Variants in KCNIP4 observed in about 807,000 individuals in gnomAD.
KCNIP4 encodes the protein Kv channel-interacting protein 4.
Under a neutral mutation model 34.0 loss-of-function variants are expected in KCNIP4, and 12 were observed. The ratio of observed to expected loss-of-function variants is 0.35; its 90% CI spans 0.23 to 0.57. KCNIP4 has a LOEUF of 0.57. Ranked by LOEUF, KCNIP4 falls within the 20% of genes least tolerant of loss-of-function variation. KCNIP4 has a pLI of 0.83. For synonymous variants in KCNIP4, 124 were observed against 102.2 expected, an observed-to-expected ratio of 1.21 and a Z score of -1.29; for missense variants, 238 against 311.7, an observed-to-expected ratio of 0.76 and a Z score of 1.78.
At chr4:20,898,407 T>C (rs1040936162) in intron 1 of KCNIP4, among the ~76,000 whole-genome samples, 1 of 152,178 alleles carries the variant, frequency 6.6e-6, no homozygotes, top group Non-Finnish European at 1.5e-5. Context: ...ACATGACTTA[T>C]TGTCCAACCT....
At chr4:20,849,001 C>A (rs899852282) in intron 3 of KCNIP4, among the ~76,000 whole-genome samples, 1 of 152,132 alleles carries the variant, frequency 6.6e-6, no homozygotes, top group African/African-American at 2.4e-5. Flanking sequence ...GTGGTCAATA[C>A]CACTGTTTCA....
At chr4:21,310,039 G>C (rs1015618702) in intron 1 of KCNIP4, among the ~76,000 whole-genome samples, 2 of 151,914 alleles carry the variant, frequency 1.3e-5, no homozygotes, top group Non-Finnish European at 2.9e-5. Context: ...GATATTTTTT[G>C]GTTTTTTTGA....
At chr4:21,671,946 A>G (rs1427297653) in intron 1 of KCNIP4, among the ~76,000 whole-genome samples, 3 of 152,206 alleles carry the variant, frequency 2.0e-5, no homozygotes, top group Admixed American at 6.5e-5. Context: ...AAGTAAATGA[A>G]CAAATGCTCC....
intron 1 of KCNIP4, among the ~76,000 whole-genome samples, chr4:21,211,644 C>A (rs2108978893): frequency 6.6e-6 from 1 of 152,180 alleles, no homozygotes; most frequent in African/African-American, 2.4e-5. Flanking sequence ...CCTATGACAT[C>A]TAAGAAAGCA....
At chr4:21,895,486 T>A (rs1270476301) in intron 1 of KCNIP4, among the ~76,000 whole-genome samples, 1 of 152,180 alleles carries the variant, frequency 6.6e-6, no homozygotes, top group Non-Finnish European at 1.5e-5. Context: ...ATTAGCTGTG[T>A]AACCACAGCA....
At chr4:20,974,945 T>C (rs1012143409) in intron 1 of KCNIP4, among the ~76,000 whole-genome samples, 2 of 152,182 alleles carry the variant, frequency 1.3e-5, no homozygotes, top group African/African-American at 4.8e-5. Flanking sequence ...TAATACCCAA[T>C]ATTTATTGAG....
At chr4:21,790,117 G>A (rs995648711) in intron 1 of KCNIP4, among the ~76,000 whole-genome samples, 24 of 152,254 alleles carry the variant, frequency 1.6e-4, no homozygotes, top group African/African-American at 5.8e-4. Context: ...GAGGAGGCTG[G>A]GAAGAAACCA....
intron 1 of KCNIP4, among the ~76,000 whole-genome samples, chr4:21,282,039 T>A (rs1459633728): frequency 6.6e-6 from 1 of 152,200 alleles, no homozygotes; most frequent in Non-Finnish European, 1.5e-5. Flanking sequence ...GGCAACAGGA[T>A]GTGATCACTA....
intron 3 of KCNIP4, among the ~76,000 whole-genome samples, chr4:20,779,576 ACCC>A (rs71653900): frequency 2.6e-4 from 21 of 80,558 alleles, no homozygotes; most frequent in South Asian, 4.2e-4. Context: ...CTGCCCCACA[ACCC>A]CCCCCCCCCA....
chr4:21,235,673 G>T (rs1004374609), intron 1 of KCNIP4, among the ~76,000 whole-genome samples: 1 of 152,098 alleles, frequency 6.6e-6, no homozygotes, highest in Non-Finnish European at 1.5e-5. Context: ...CAGCTTATTT[G>T]GTTAGTGACT....
chr4:21,320,964 T>TAAAAAAAAAAAAAAAAAAAAAAA lies in KCNIP4; in HGVS notation c.62-438256_62-438255insTTTTTTTTTTTTTTTTTTTTTTT, dbSNP rs528123961. 1.4e-3 allele frequency among the ~76,000 whole-genome samples: 148 copies of TAAAAAAAAAAAAAAAAAAAAAAA among 102,808 alleles called. 4 individuals carry two copies. The highest frequency in any genetic ancestry group is 6.4e-3 in the African/African-American group (139 of 21,716). The allele number at this position is 102,808 out of a possible 152,430, so 67.4% of individuals were successfully genotyped here. ...TGGGCAATAGAGCAAGAATCTGTCTTAAAAAAAAAAAAAAAAAAGAGGAAA... is the reference window on the plus strand; with the variant it reads ...TGGGCAATAGAGCAAGAATCTGTCTTAAAAAAAAAAAAAAAAAAAAAAAAAAAAAAAAAAAAAAAAAGAGGAAA... On this transcript the variant is annotated intron_variant, in intron 1 of 8. Transcript: ENST00000382152.
At chr4:21,262,365 G>A (rs965645326) in intron 1 of KCNIP4, among the ~76,000 whole-genome samples, 3 of 152,142 alleles carry the variant, frequency 2.0e-5, no homozygotes, top group African/African-American at 4.8e-5. Flanking sequence ...CTTTGTTGGA[G>A]GATGACCTTC....
intron 3 of KCNIP4, among the ~76,000 whole-genome samples, chr4:20,801,369 G>A (rs1199802376): frequency 1.3e-5 from 2 of 151,746 alleles, no homozygotes; most frequent in Non-Finnish European, 2.9e-5. Flanking sequence ...ACTAGTGGAA[G>A]AAAATGCATA....
chr4:21,451,066 T>A (rs1728472237), intron 1 of KCNIP4, among the ~76,000 whole-genome samples: 2 of 152,142 alleles, frequency 1.3e-5, no homozygotes, highest in African/African-American at 2.4e-5. Flanking sequence ...TAACAGGTGT[T>A]TCATACATTG....
chr4:21,789,334 T>C (rs1194171454), intron 1 of KCNIP4, among the ~76,000 whole-genome samples: 1 of 152,196 alleles, frequency 6.6e-6, no homozygotes, highest in Non-Finnish European at 1.5e-5. Context: ...GTGCAGCATT[T>C]CATCTCAGCT....
intron 1 of KCNIP4, among the ~76,000 whole-genome samples, chr4:21,200,012 A>T (rs911419472): frequency 2.6e-5 from 4 of 151,600 alleles, no homozygotes; most frequent in Admixed American, 1.3e-4. Context: ...GGACACAGGA[A>T]GGGGAACATC....
chr4:21,169,971 C>T (rs940560490), intron 1 of KCNIP4, among the ~76,000 whole-genome samples: 2 of 152,070 alleles, frequency 1.3e-5, no homozygotes, highest in African/African-American at 4.8e-5. Context: ...GAAGAACACT[C>T]CTATTTCTGT....
intron 4 of KCNIP4, 64 bp from the exon 5 acceptor site, chr4:20,749,796 A>T: frequency 9.6e-7 from 1 of 1,040,354 alleles, no homozygotes; most frequent in South Asian, 1.5e-5. Flanking sequence ...AGACTTGGAT[A>T]GCAGTCCAAG....
chr4:21,570,079 C>T (rs1442040977), intron 1 of KCNIP4, among the ~76,000 whole-genome samples: 1 of 152,132 alleles, frequency 6.6e-6, no homozygotes, highest in Non-Finnish European at 1.5e-5. Flanking sequence ...GAGACCCAAC[C>T]TGGAAGTCAG....
Sources: allele counts gnomAD v4.1 joint callset (sites outside exome capture counted in the v4.1 genomes callset), GRCh38; gene constraint gnomAD v4.1.1; transcripts MANE v1.5; gene names NCBI Gene and HGNC (gene_info 2026-07-23, HGNC 2026-07-21).